Variants in PKNOX2 observed in about 807,000 individuals in gnomAD.
PKNOX2 encodes homeobox protein PKNOX2.
A neutral mutation model predicts 53.1 loss-of-function variants in PKNOX2; 14 were observed. The observed-to-expected ratio is 0.26, with a 90% CI of 0.17 to 0.41. The LOEUF (loss-of-function observed/expected upper bound fraction) is 0.41. PKNOX2 is among the 10% of genes least tolerant of loss of function. PKNOX2 has a pLI of 1.00. For synonymous variants in PKNOX2, 257 were observed against 242.8 expected (o/e 1.06, Z -0.54); for missense variants, 496 against 602.8 (o/e 0.82, Z 1.85).
At chr11:125,406,505 C>T (rs895926373) in intron 7 of PKNOX2, among the ~76,000 whole-genome samples, 6 of 152,148 alleles carry the variant, frequency 3.9e-5, no homozygotes, top group Non-Finnish European at 5.9e-5. Context: ...CCCAACTGTA[C>T]GACTCCCTAG....
chr11:125,182,464 A>G (rs687629), intron 1 of PKNOX2, among the ~76,000 whole-genome samples: 152,351 of 152,354 alleles, frequency 1, 76,174 homozygotes, highest in Non-Finnish European at 1. Context: ...CTATCACCTT[A>G]ACTTTGGCCA....
intron 1 of PKNOX2, among the ~76,000 whole-genome samples, chr11:125,207,705 A>T (rs2135431312): frequency 6.6e-6 from 1 of 152,188 alleles, no homozygotes; most frequent in East Asian, 1.9e-4. Context: ...GAGAGGTTTT[A>T]GTGGCAAGTC....
At chr11:125,188,398 T>C (rs1956584758) in intron 1 of PKNOX2, among the ~76,000 whole-genome samples, 1 of 152,208 alleles carries the variant, frequency 6.6e-6, no homozygotes, top group Non-Finnish European at 1.5e-5. Flanking sequence ...AATTCATTGC[T>C]GCAAGGATTC....
intron 1 of PKNOX2, among the ~76,000 whole-genome samples, chr11:125,189,803 G>A (rs1458498984): frequency 6.6e-6 from 1 of 151,710 alleles, no homozygotes; most frequent in Non-Finnish European, 1.5e-5. Context: ...AGATCTTGCA[G>A]TCCCTCTTTC....
intron 10 of PKNOX2, among the ~76,000 whole-genome samples, chr11:125,414,850 G>A (rs1342942837): frequency 1.3e-5 from 2 of 152,068 alleles, no homozygotes; most frequent in Non-Finnish European, 2.9e-5. Context: ...TAAGAAATAA[G>A]TTCCCTTTGA....
chr11:125,205,296 G>A (rs1205469469), intron 1 of PKNOX2, among the ~76,000 whole-genome samples: 2 of 152,168 alleles, frequency 1.3e-5, no homozygotes, highest in African/African-American at 2.4e-5. Flanking sequence ...CTTCCGGGGA[G>A]GTGGGTGGGG....
intron 2 of PKNOX2, among the ~76,000 whole-genome samples, chr11:125,238,949 G>T (rs748412951): frequency 2.0e-4 from 30 of 152,144 alleles, no homozygotes; most frequent in Non-Finnish European, 3.7e-4. Flanking sequence ...CTCATCTCTG[G>T]AATAGAAATG....
At chr11:125,186,427 A>G (rs1445206279) in intron 1 of PKNOX2, among the ~76,000 whole-genome samples, 1 of 152,190 alleles carries the variant, frequency 6.6e-6, no homozygotes, top group Non-Finnish European at 1.5e-5. Flanking sequence ...TGAGGTAGGC[A>G]GATCACTTGA....
intron 3 of PKNOX2, among the ~76,000 whole-genome samples, chr11:125,339,383 C>T (rs190771824): frequency 2.0e-5 from 3 of 152,338 alleles, no homozygotes; most frequent in Non-Finnish European, 4.4e-5. Context: ...AGAGGGGATG[C>T]TCCCTAACGA....
At chr11:125,270,801 T>A (rs1945737586) in intron 2 of PKNOX2, among the ~76,000 whole-genome samples, 1 of 152,132 alleles carries the variant, frequency 6.6e-6, no homozygotes, top group Non-Finnish European at 1.5e-5. Context: ...CAGGATAGGA[T>A]GGCGGGAGGA....
intron 3 of PKNOX2, among the ~76,000 whole-genome samples, chr11:125,344,616 C>T (rs1431333475): frequency 6.6e-6 from 1 of 152,172 alleles, no homozygotes; most frequent in Non-Finnish European, 1.5e-5. Context: ...GACCTGGCAC[C>T]ACCTCCCAAG....
chr11:125,316,301 C>G (rs1313646735), intron 2 of PKNOX2, among the ~76,000 whole-genome samples: 3 of 152,214 alleles, frequency 2.0e-5, no homozygotes, highest in African/African-American at 7.2e-5. Flanking sequence ...TGTGTGAACT[C>G]TCTTATGTGG....
intron 2 of PKNOX2, among the ~76,000 whole-genome samples, chr11:125,283,011 G>A (rs1238587925): frequency 1.3e-5 from 2 of 152,122 alleles, no homozygotes; most frequent in Non-Finnish European, 2.9e-5. Flanking sequence ...AATTAGCCAG[G>A]TGTGGTGGCA....
At chr11:125,195,465 C>T (rs1026512056) in intron 1 of PKNOX2, among the ~76,000 whole-genome samples, 4 of 151,900 alleles carry the variant, frequency 2.6e-5, no homozygotes, top group Non-Finnish European at 4.4e-5. Flanking sequence ...TTTCAGCAGT[C>T]GGCAGTGAGT....
At chr11:125,223,151 G>A (rs748534741) in intron 1 of PKNOX2, among the ~76,000 whole-genome samples, 10 of 152,044 alleles carry the variant, frequency 6.6e-5, no homozygotes, top group Non-Finnish European at 1.2e-4. Flanking sequence ...TGACACATTG[G>A]TTTGCCCTTT....
chr11:125,309,693 C>T (rs1453949965), intron 2 of PKNOX2, among the ~76,000 whole-genome samples: 1 of 152,136 alleles, frequency 6.6e-6, no homozygotes, highest in Non-Finnish European at 1.5e-5. Context: ...CGGCCTCTAA[C>T]AGTACCAATT....
Position 125,251,089 on chromosome 11 carries a change from T to C in PKNOX2, c.-130+15974T>C, listed in dbSNP as rs181517552. Among the ~76,000 whole-genome samples, 18 of 152,354 alleles carry C rather than the reference T, an allele frequency of 1.2e-4. No homozygotes were observed. In the East Asian group the frequency reaches 2.7e-3, roughly 23 times the overall value. On this transcript the variant is annotated intron_variant, in intron 2 of 12. Transcript: ENST00000298282. ...GCTTCTGGAGGGGGCCAGCGGCCTG[T>C]AGCCCCCGAGTCATCACGGGAGGCG...
intron 2 of PKNOX2, among the ~76,000 whole-genome samples, chr11:125,329,166 TTATAA>T (rs1421044050): frequency 6.6e-6 from 1 of 152,236 alleles, no homozygotes; most frequent in Non-Finnish European, 1.5e-5. Flanking sequence ...ATCATTAAAA[TTATAA>T]TATATTTTCC....
At position 125,207,522 on chromosome 11, in the gene PKNOX2, G is replaced by A. The variant is rs1044771149; in HGVS notation, c.-200-27523G>A. Among the ~76,000 whole-genome samples the A allele has an allele frequency of 1.3e-4, 20 of 152,098 alleles. 1 individual carries two copies. The highest frequency in any genetic ancestry group is 9.7e-5 in the African/African-American group (4 of 41,410). ...AGAAACCACAAGAGACACAGAGAGG[G>A]TAGGAGAGTTAGGAGGAGAATCAGG... On this transcript the variant is annotated intron_variant, in intron 1 of 12. Transcript: ENST00000298282.
Sources: allele counts gnomAD v4.1 joint callset (sites outside exome capture counted in the v4.1 genomes callset), GRCh38; gene constraint gnomAD v4.1.1; transcripts MANE v1.5; gene names NCBI Gene and HGNC (gene_info 2026-07-23, HGNC 2026-07-21).